NTRK1: variants seen among roughly 807,000 people sequenced by gnomAD.
The protein encoded by NTRK1 is high affinity nerve growth factor receptor.
Under a neutral mutation model 86.8 loss-of-function variants are expected in NTRK1, and 62 were observed. The ratio of observed to expected loss-of-function variants is 0.71; its 90% CI spans 0.58 to 0.88. The LOEUF (loss-of-function observed/expected upper bound fraction) is 0.88, where lower values mean the gene tolerates loss of function less well. Among genes scored for constraint, NTRK1 ranks in the 40% least tolerant of loss-of-function variants. The pLI is 0.00. For missense variants in NTRK1, 967 were observed against 1,078.4 expected (o/e 0.90, Z 1.45); for synonymous variants, 469 against 456.6 (o/e 1.03, Z -0.35).
rs759533268 is a variant in NTRK1 at position 156,841,016 on chromosome 1, G to A, written c.-63-1065G>A. The A allele has an allele frequency of 1.1e-5, 18 of 1,608,186 alleles. No homozygotes were observed. Among genetic ancestry groups the A allele is most frequent in the South Asian group, 4.4e-5 (4 of 90,098 alleles). On this transcript the variant is annotated intron_variant, in intron 1 of 16. Transcript: ENST00000392302. ...AAGGAGAGGAGGCGGAAGGAGGGCCGCAGCTCCTCCTGTATGCTGTCCAGA... is the reference window on the plus strand; with the variant it reads ...AAGGAGAGGAGGCGGAAGGAGGGCCACAGCTCCTCCTGTATGCTGTCCAGA...
chr1:156,844,492 C>G, intron 2 of NTRK1: 1 of 1,614,084 alleles, frequency 6.2e-7, no homozygotes, highest in South Asian at 1.1e-5. Context: ...GCAACACTGT[C>G]TGTCCAAGAG....
chr1:156,844,968 G>T, intron 2 of NTRK1: 2 of 1,538,260 alleles, frequency 1.3e-6, no homozygotes, highest in South Asian at 1.2e-5. Context: ...ACTGAGAGGG[G>T]CAAGCAAAGC....
chr1:156,843,533 C>T, intron 2 of NTRK1: 5 of 1,533,602 alleles, frequency 3.3e-6, no homozygotes, highest in Non-Finnish European at 4.5e-6. Context: ...AAGGAATGAG[C>T]AACATCAGAA....
intron 6 of NTRK1, 123 bp downstream of exon 6, chr1:156,868,770 G>A (rs1647338677): frequency 1.3e-5 from 18 of 1,426,328 alleles, no homozygotes; most frequent in Non-Finnish European, 1.6e-5. Flanking sequence ...TGAGGTTGAG[G>A]GACGGACAGA....
At chr1:156,856,086 G>T (rs896765895), upstream of NTRK1, among the ~76,000 whole-genome samples, 1 of 152,056 alleles carries the variant, frequency 6.6e-6, no homozygotes, top group African/African-American at 2.4e-5. Flanking sequence ...TGGGATTACA[G>T]GTATCAGCTA....
intron 14 of NTRK1, among the ~76,000 whole-genome samples, chr1:156,876,953 C>T (rs1042477909): frequency 1.3e-5 from 2 of 152,134 alleles, no homozygotes; most frequent in Admixed American, 1.3e-4. Flanking sequence ...CAGGCACCTT[C>T]TATGTTCCAG....
rs768051006 is a variant in NTRK1 at position 156,854,011 on chromosome 1, C to T, written c.51-10343C>T. The T allele has an allele frequency of 3.7e-6, 6 of 1,613,880 alleles. No individual in the cohort carries two copies. In the Admixed American group the frequency reaches 5.0e-5, roughly 13 times the overall value. ...GCACGGCCCCAAGTGCAGGCAGTGC[C>T]ACGTCACGCAGATGTGGCATCTCAA... is the stretch of plus-strand genomic sequence containing the variant. On this transcript the variant is annotated intron_variant, in intron 2 of 16. Transcript: ENST00000392302. The surrounding 1 kb of genome is among the most constrained non-coding windows in gnomAD (Gnocchi z 4.2).
intron 4 of NTRK1, 91 bp downstream of exon 4, chr1:156,867,069 CTGTG>C: frequency 7.9e-7 from 1 of 1,272,306 alleles, no homozygotes; most frequent in Admixed American, 1.7e-5. Context: ...GTCACTGTGT[CTGTG>C]TGACACTGCT....
chr1:156,831,567 G>A (rs1428657332), intron 1 of NTRK1, among the ~76,000 whole-genome samples: 4 of 152,142 alleles, frequency 2.6e-5, no homozygotes, highest in Non-Finnish European at 4.4e-5. Flanking sequence ...TGGAGAGACT[G>A]GCAGAGATAG....
intron 1 of NTRK1, among the ~76,000 whole-genome samples, chr1:156,861,723 T>A (rs138390526): frequency 1.6e-3 from 239 of 152,212 alleles, no homozygotes; most frequent in African/African-American, 5.6e-3. Flanking sequence ...TTGATTTGGA[T>A]CTGGGAAATG....
chr1:156,881,084 G>T (rs760685884), intron 16 of NTRK1, among the ~76,000 whole-genome samples: 7 of 152,136 alleles, frequency 4.6e-5, no homozygotes, highest in Non-Finnish European at 8.8e-5. Flanking sequence ...TCTCTCTGGA[G>T]CTGAGAGTCA....
At chr1:156,835,313 C>T (rs942305382) in intron 1 of NTRK1, among the ~76,000 whole-genome samples, 1 of 152,120 alleles carries the variant, frequency 6.6e-6, no homozygotes, top group Admixed American at 6.5e-5. Context: ...AAAAAATGTC[C>T]TTGGAGAGTA....
intron 1 of NTRK1, among the ~76,000 whole-genome samples, chr1:156,833,763 G>C (rs1654525829): frequency 1.3e-5 from 2 of 152,164 alleles, no homozygotes; most frequent in Non-Finnish European, 2.9e-5. Context: ...TGCCCGTTCT[G>C]TTAGGTTCTG....
upstream of NTRK1, among the ~76,000 whole-genome samples, chr1:156,860,187 T>G (rs1156974426): frequency 6.6e-6 from 1 of 152,150 alleles, no homozygotes; most frequent in Admixed American, 6.5e-5. Flanking sequence ...CGTTGCTCAC[T>G]GGGGGCTGCA....
At chr1:156,857,476 A>G (rs900943848), upstream of NTRK1, among the ~76,000 whole-genome samples, 1 of 152,094 alleles carries the variant, frequency 6.6e-6, no homozygotes, top group Non-Finnish European at 1.5e-5. Context: ...GGAACAGAAC[A>G]TCTGGGTCCC....
chr1:156,830,913 C>G (rs1654453357), intron 1 of NTRK1, among the ~76,000 whole-genome samples: 1 of 152,198 alleles, frequency 6.6e-6, no homozygotes. Flanking sequence ...TGGGTATTTT[C>G]TTACCTTCTT....
intron 2 of NTRK1, chr1:156,845,568 C>T (rs1654966702): frequency 2.0e-6 from 3 of 1,504,548 alleles, no homozygotes; most frequent in African/African-American, 2.8e-5. Flanking sequence ...AGACCCGCCC[C>T]TCACAGGCCC....
chr1:156,816,569 G>T, intron 1 of NTRK1: 1 of 1,260,796 alleles, frequency 7.9e-7, no homozygotes, highest in Non-Finnish European at 1.1e-6. Context: ...CTGGCTTAGG[G>T]TGGGGCCCCT....
intron 2 of NTRK1, chr1:156,849,263 T>C (rs1655120560): frequency 3.7e-6 from 6 of 1,613,706 alleles, no homozygotes; most frequent in Non-Finnish European, 5.1e-6. Flanking sequence ...GCGGTCTCCG[T>C]TGGTGCGGGG....
Sources: gnomAD v4.1 joint callset for allele counts (sites outside exome capture counted in the v4.1 genomes callset) on GRCh38, gnomAD v4.1.1 for gene constraint, Gnocchi (gnomAD v3.1) non-coding constraint, MANE v1.5 for transcripts, NCBI Gene and HGNC (gene_info 2026-07-23, HGNC 2026-07-21) for gene names.